PCDHGB4: variants seen among roughly 807,000 people sequenced by gnomAD.
The protein encoded by PCDHGB4 is protocadherin gamma-B4.
In PCDHGB4, 38 loss-of-function variants were observed where a neutral mutation model predicts 60.5. The ratio of observed to expected loss-of-function variants is 0.63; its 90% CI spans 0.48 to 0.82. PCDHGB4 has a LOEUF of 0.82. Ranked by LOEUF, PCDHGB4 falls within the 40% of genes least tolerant of loss-of-function variation. The pLI, the probability that PCDHGB4 is intolerant of heterozygous loss-of-function variation, is 0.00. For missense variants in PCDHGB4, 1,109 were observed against 1,209.6 expected (o/e 0.92, Z 1.23); for synonymous variants, 456 against 509.7 (o/e 0.89, Z 1.42).
In PCDHGB4 at chr5:141,432,752, G is replaced by C. The variant is rs1407361813; in HGVS notation, c.2397+42471G>C. On this transcript the variant is annotated intron_variant, in intron 1 of 3. Coordinates refer to ENST00000519479, the MANE Select transcript of PCDHGB4 (RefSeq NM_003736.4). The surrounding 1 kb of genome is among the most constrained non-coding windows in gnomAD (Gnocchi z 6.0). Reference sequence around the variant, plus strand: ...CACTGTCACGCTCACCGTGGCCGTGGCCGACAGCATCCCCCAAGTCCTGGC... The same window carrying C: ...CACTGTCACGCTCACCGTGGCCGTGCCCGACAGCATCCCCCAAGTCCTGGC... 9.3e-6 allele frequency: 15 copies of C among 1,614,024 alleles called. No individual in the cohort carries two copies. The highest frequency in any genetic ancestry group is 1.3e-5 in the Non-Finnish European group (15 of 1,180,008).
intron 1 of PCDHGB4, among the ~76,000 whole-genome samples, chr5:141,483,272 A>T (rs545719861): frequency 4.4e-4 from 67 of 152,196 alleles, no homozygotes; most frequent in African/African-American, 1.4e-3. Flanking sequence ...TGTTTTAGAA[A>T]TATTATTCTG....
rs1300601208 is a variant in PCDHGB4 at position 141,499,206 on chromosome 5, AC to A, written c.2456+4344del. On this transcript the variant is annotated intron_variant, in intron 2 of 3. Transcript: ENST00000519479. ...ACCATTTCCCCCTTCTTAGGCTGTA[AC>A]CCAGGCCCTGCCCTGCAGCTGTCCC... Among the ~76,000 whole-genome samples the A allele has an allele frequency of 3.3e-5, 5 of 152,062 alleles. No homozygotes were observed. In the East Asian group the frequency reaches 7.7e-4, roughly 24 times the overall value.
In PCDHGB4 at chr5:141,414,114, T is replaced by C. The variant is rs145910780; in HGVS notation, c.2397+23833T>C. The C allele has an allele frequency of 2.0e-5, 32 of 1,592,348 alleles. 2 individuals carry two copies. In the East Asian group the frequency reaches 6.3e-4, roughly 32 times the overall value. ...TAAAAATATCAGAAAATCTAGATTA[T>C]GAAGAAACCGGTTTCTATGAAATAG... On this transcript the variant is annotated intron_variant, in intron 1 of 3. Coordinates refer to ENST00000519479, the MANE Select transcript of PCDHGB4 (RefSeq NM_003736.4).
chr5:141,510,209 G>T (rs1294961681), intron 3 of PCDHGB4, among the ~76,000 whole-genome samples: 12 of 151,440 alleles, frequency 7.9e-5, no homozygotes, highest in African/African-American at 2.9e-4. Flanking sequence ...GGAGGCAGAG[G>T]TTGCAGTGAG....
Position 141,431,897 on chromosome 5 carries a change from G to A in PCDHGB4, c.2397+41616G>A. On this transcript the variant is annotated intron_variant, in intron 1 of 3. Transcript: ENST00000519479. This position sits in a 1 kb window ranked among gnomAD's most constrained non-coding sequence, Gnocchi z 4.8. ...AAATGACCAAGATTCTGAGGAAAAC[G>A]GACAGGTGATCTGTTTCATCCAAGG... is the stretch of plus-strand genomic sequence containing the variant. 6 of 1,613,830 alleles carry A rather than the reference G, an allele frequency of 3.7e-6. No individual in the cohort carries two copies. The highest frequency in any genetic ancestry group is 5.1e-6 in the Non-Finnish European group (6 of 1,179,704).
chr5:141,409,952 C>A (rs892751686), intron 1 of PCDHGB4: 2 of 1,613,350 alleles, frequency 1.2e-6, no homozygotes, highest in Non-Finnish European at 1.7e-6. Context: ...CTCTGCAGAG[C>A]CCGGCTACCT....
intron 1 of PCDHGB4, among the ~76,000 whole-genome samples, chr5:141,448,146 C>G (rs1375402473): frequency 6.6e-6 from 1 of 151,942 alleles, no homozygotes; most frequent in Non-Finnish European, 1.5e-5. Flanking sequence ...ATACCTCAGA[C>G]TCACCCCTGA....
chr5:141,490,336 G>T lies in PCDHGB4; in HGVS notation c.2398-4471G>T. 2 of 1,614,224 alleles carry T rather than the reference G, an allele frequency of 1.2e-6. No individual in the cohort carries two copies. The highest frequency in any genetic ancestry group is 8.5e-7 in the Non-Finnish European group (1 of 1,180,040). ...CCCTGTCCTAGAGAGCACACCAGTGGGCACAGTAGTGGGGTTGTTTAATGT... is the reference window on the plus strand; with the variant it reads ...CCCTGTCCTAGAGAGCACACCAGTGTGCACAGTAGTGGGGTTGTTTAATGT... On this transcript the variant is annotated intron_variant, in intron 1 of 3. Transcript: ENST00000519479. This position sits in a 1 kb window ranked among gnomAD's most constrained non-coding sequence, Gnocchi z 5.4.
intron 2 of PCDHGB4, among the ~76,000 whole-genome samples, chr5:141,501,988 T>C (rs2099812189): frequency 6.6e-6 from 1 of 152,056 alleles, no homozygotes; most frequent in Non-Finnish European, 1.5e-5. Flanking sequence ...GGTCCCGTTG[T>C]CTCCCTGACA....
intron 1 of PCDHGB4, chr5:141,413,221 G>A (rs1384304697): frequency 1.2e-6 from 2 of 1,613,452 alleles, no homozygotes; most frequent in East Asian, 2.2e-5. Flanking sequence ...GGATTGCAGC[G>A]GGCTGGTCCT....
chr5:141,501,345 A>G (rs2099808580), intron 2 of PCDHGB4, among the ~76,000 whole-genome samples: 2 of 150,582 alleles, frequency 1.3e-5, no homozygotes, highest in East Asian at 1.9e-4. Context: ...CCCAAACTCA[A>G]TAGGGCAAGA....
chr5:141,509,273 C>T (rs1026035086), intron 3 of PCDHGB4, among the ~76,000 whole-genome samples: 1 of 152,098 alleles, frequency 6.6e-6, no homozygotes, highest in Admixed American at 6.5e-5. Flanking sequence ...CTCTCGCTAC[C>T]CGCTCCCAGG....
chr5:141,484,024 A>G (rs769415978), intron 1 of PCDHGB4, among the ~76,000 whole-genome samples: 14 of 150,914 alleles, frequency 9.3e-5, no homozygotes, highest in Non-Finnish European at 1.6e-4. Flanking sequence ...GTGGGGTGAG[A>G]TCAAGTCTCC....
chr5:141,448,928 G>C (rs2098617520), intron 1 of PCDHGB4, among the ~76,000 whole-genome samples: 1 of 152,166 alleles, frequency 6.6e-6, no homozygotes, highest in Non-Finnish European at 1.5e-5. Context: ...CTGGGCGACA[G>C]AGCAAGACTG....
rs1561624660 is a variant in PCDHGB4, at chr5:141,389,352, AT to A, written c.1469del (p.Met490ArgfsTer16). On this transcript the variant is annotated frameshift_variant, in exon 1 of 4. Coordinates refer to ENST00000519479, the MANE Select transcript of PCDHGB4 (RefSeq NM_003736.4). LOFTEE classifies it high-confidence loss of function. ...CAACGGCCAAGTCTCTTACTGCATC[AT>A]GGCCAGTGACCTGGAGCAGCGGGAG... ...GPNGQVSYCI[M>X]ASDLEQRELS... 1 of 1,613,628 alleles carries A rather than the reference AT, an allele frequency of 6.2e-7. No homozygotes were observed. The highest frequency in any genetic ancestry group is 1.3e-5 in the African/African-American group (1 of 74,950).
chr5:141,423,132 C>T (rs375287728), intron 1 of PCDHGB4: 41 of 1,613,540 alleles, frequency 2.5e-5, no homozygotes, highest in Non-Finnish European at 3.3e-5. Flanking sequence ...CACTGCTGGA[C>T]AGAGACGCGC....
intron 1 of PCDHGB4, chr5:141,413,033 T>C: frequency 1.3e-6 from 1 of 776,760 alleles, no homozygotes; most frequent in Non-Finnish European, 2.0e-6. Context: ...ACAAACCGGC[T>C]GCTGGGCTGC....
At position 141,415,641 on chromosome 5, in the gene PCDHGB4, TAA is replaced by T. The variant is rs113784532; in HGVS notation, c.2397+25370_2397+25371del. On this transcript the variant is annotated intron_variant, in intron 1 of 3. Transcript: ENST00000519479. ...GTTTTATTTTCATTTTTACTTTTGT[TAA>T]AAAAAAAAAGATTGGTTTTTACTTT... is the stretch of plus-strand genomic sequence containing the variant. 3.1e-5 allele frequency: 40 copies of T among 1,280,748 alleles called. No homozygotes were observed. The African/African-American group carries it at 4.6e-4, about 15-fold the overall frequency. 79.3% of individuals were successfully genotyped at this position (1,280,748 alleles called of 1,614,324 possible).
chr5:141,481,026 C>T (rs1315533254), intron 1 of PCDHGB4, among the ~76,000 whole-genome samples: 1 of 152,100 alleles, frequency 6.6e-6, no homozygotes, highest in African/African-American at 2.4e-5. Flanking sequence ...CCACTGCACT[C>T]CAGCCTGGGC....
Sources: allele counts gnomAD v4.1 joint callset (sites outside exome capture counted in the v4.1 genomes callset), GRCh38; gene constraint gnomAD v4.1.1; non-coding constraint Gnocchi (gnomAD v3.1); transcripts MANE v1.5; gene names NCBI Gene and HGNC (gene_info 2026-07-23, HGNC 2026-07-21).